The following ERP27 variants were observed in gnomAD, a reference collection of about 807,000 sequenced individuals.
ERP27 encodes the protein endoplasmic reticulum protein 27, also known as endoplasmic reticulum resident protein 27.
ERP27 carries 23 observed loss-of-function variants against 27.7 expected under a neutral mutation model. The observed-to-expected ratio is 0.83, with a 90% confidence interval of 0.60 to 1.18. ERP27 has a LOEUF of 1.18. Among genes scored for constraint, ERP27 ranks in the 50% most tolerant of loss-of-function variants. The pLI is 0.00. For missense variants in ERP27, 363 were observed against 327.9 expected, an observed-to-expected ratio of 1.11 and a Z score of -0.83; for synonymous variants, 159 against 118.3, an observed-to-expected ratio of 1.34 and a Z score of -2.23.
rs200400716 is a variant in ERP27 at position 14,914,738 on chromosome 12, G to C, written c.819C>G (p.Leu273=). Residue 273 remains leucine (L), a synonymous_variant, in exon 7 of 7, where the codon CTC becomes CTG. Coordinates refer to ENST00000266397, the MANE Select transcript of ERP27 (RefSeq NM_152321.4). ...CATATGTAGTTCCAAGGAGAAGTCAGAGTTCCACCTTTGGAGTCTTTCCTT... is the reference window on the plus strand; with the variant it reads ...CATATGTAGTTCCAAGGAGAAGTCACAGTTCCACCTTTGGAGTCTTTCCTT... ...ESEGKTPKVE[L] is the part of the protein sequence containing the mutation. 6.2e-7 allele frequency: 1 copy of C among 1,613,486 alleles called. No individual in the cohort carries two copies. Among genetic ancestry groups the C allele is most frequent in the African/African-American group, 1.3e-5 (1 of 75,028 alleles).
At chr12:14,938,310 G>T in intron 1 of ERP27, 105 bp downstream of exon 1, 2 of 1,203,934 alleles carry the variant, frequency 1.7e-6, no homozygotes, top group Non-Finnish European at 2.4e-6. Flanking sequence ...TTCCTGGAAA[G>T]CTTTCTAGGT....
At chr12:14,914,958 A>G (rs982614977) in intron 6 of ERP27, among the ~76,000 whole-genome samples, 176 bp from the exon 7 acceptor site, 1 of 150,336 alleles carries the variant, frequency 6.7e-6, no homozygotes, top group African/African-American at 2.4e-5. Context: ...CTGAATATGC[A>G]AGGCCTTTCC....
chr12:14,935,070 A>T, intron 2 of ERP27, 77 bp from the exon 3 acceptor site: 1 of 1,539,696 alleles, frequency 6.5e-7, no homozygotes, highest in East Asian at 2.4e-5. Flanking sequence ...AAGAAATATG[A>T]TATGATGTTT....
chr12:14,918,428 A>G (rs574015245), intron 4 of ERP27, among the ~76,000 whole-genome samples: 3 of 152,326 alleles, frequency 2.0e-5, no homozygotes, highest in South Asian at 2.1e-4. Context: ...GAAGTTGTCA[A>G]TGACTTAGAG....
rs1477864764 is a variant in ERP27 at position 14,937,856 on chromosome 12, T to C, written c.195+96A>G. 4.1e-6 allele frequency: 4 copies of C among 976,144 alleles called. No homozygotes were observed. In the African/African-American group the frequency reaches 4.8e-5, roughly 12 times the overall value. The allele number at this position is 976,144 out of a possible 1,614,324, so 60.5% of individuals were successfully genotyped here. A position where few individuals can be genotyped will look rare whatever the true frequency, so the allele number is the denominator to read the frequency against. On this transcript the variant is annotated intron_variant, in intron 2 of 6. Coordinates refer to ENST00000266397, the MANE Select transcript of ERP27 (RefSeq NM_152321.4). ...GGCTGTCTCCCTTTACCCCCACTTC[T>C]AATGCAGTGCCATCTGCCAGCAGCA... is the stretch of plus-strand genomic sequence containing the variant.
rs756906308 is a variant in ERP27, at chr12:14,915,568, C to T, written c.695G>A (p.Trp232Ter). 3 of 1,614,180 alleles carry T rather than the reference C, an allele frequency of 1.9e-6. No homozygotes were observed. Among genetic ancestry groups the T allele is most frequent in the Non-Finnish European group, 2.5e-6 (3 of 1,180,022 alleles). ...AACTTCTGCTGTGGGCAGTGTATCC[C>T]ACTCGTCATCTAGAGTCTGGTAAAT... The part of the protein sequence containing the change: ...LAIYQTLDDE[W>*]DTLPTAEVSV... Residue 232 changes from tryptophan to a stop codon, truncating the protein, a stop_gained, in exon 6 of 7, where the codon TGG becomes TAG. Transcript: ENST00000266397. LOFTEE classifies it high-confidence loss of function.
intron 3 of ERP27, among the ~76,000 whole-genome samples, chr12:14,922,072 T>C (rs1350321816): frequency 6.6e-6 from 1 of 152,212 alleles, no homozygotes; most frequent in East Asian, 1.9e-4. Context: ...TGAACATTGG[T>C]TGTTTCTAGT....
At chr12:14,931,143 C>T (rs1592278317) in intron 3 of ERP27, among the ~76,000 whole-genome samples, 1 of 150,946 alleles carries the variant, frequency 6.6e-6, no homozygotes, top group African/African-American at 2.4e-5. Flanking sequence ...GCAACTAAAC[C>T]ATTCTCTCAT....
chr12:14,937,097 C>T (rs985930017), intron 2 of ERP27, among the ~76,000 whole-genome samples: 2 of 152,228 alleles, frequency 1.3e-5, no homozygotes, highest in Non-Finnish European at 2.9e-5. Flanking sequence ...CTTGCCCCTT[C>T]CCCATCTTTC....
intron 3 of ERP27, among the ~76,000 whole-genome samples, chr12:14,929,946 A>AAT (rs1311994669): frequency 6.6e-6 from 1 of 151,868 alleles, no homozygotes; most frequent in African/African-American, 2.4e-5. Context: ...ATATTTAATA[A>AAT]ATATATACTT....
At chr12:14,931,571 A>C (rs1863697444) in intron 3 of ERP27, among the ~76,000 whole-genome samples, 2 of 152,210 alleles carry the variant, frequency 1.3e-5, no homozygotes, top group South Asian at 4.1e-4. Context: ...TCTTGCCCAC[A>C]GAGGTCCCAA....
chr12:14,934,946 T>A lies in ERP27; in HGVS notation c.243A>T (p.Lys81Asn). ...AVPILHSMVQ[K>N]FPGVSFGIST... ...TGATCCCAAATGACACGCCTGGGAATTTTTGCACCATGCTATGGAGTATGG... is the reference window on the plus strand; with the variant it reads ...TGATCCCAAATGACACGCCTGGGAAATTTTGCACCATGCTATGGAGTATGG... Residue 81 changes from lysine to asparagine, a missense_variant, in exon 3 of 7, where the codon AAA becomes AAT. Transcript: ENST00000266397. The A allele has an allele frequency of 6.2e-7, 1 of 1,614,038 alleles. No individual in the cohort carries two copies.
intron 4 of ERP27, among the ~76,000 whole-genome samples, chr12:14,919,123 G>A (rs1047708269): frequency 4.6e-5 from 7 of 152,212 alleles, no homozygotes; most frequent in African/African-American, 4.8e-5. Context: ...AGTTGCTACT[G>A]GTGCAAACCT....
intron 3 of ERP27, among the ~76,000 whole-genome samples, chr12:14,924,002 ACTTCCCT>A (rs543406697): frequency 3.1e-4 from 47 of 152,150 alleles, no homozygotes; most frequent in Non-Finnish European, 4.1e-4. Context: ...CCCTGTCCCC[ACTTCCCT>A]CTTCCCTCTT....
intron 3 of ERP27, among the ~76,000 whole-genome samples, chr12:14,928,365 C>A (rs1863641226): frequency 6.6e-6 from 1 of 152,146 alleles, no homozygotes; most frequent in African/African-American, 2.4e-5. Context: ...GGTGATGATT[C>A]CTATTTCACC....
chr12:14,936,865 T>C (rs1863781023), intron 2 of ERP27, among the ~76,000 whole-genome samples: 1 of 152,050 alleles, frequency 6.6e-6, no homozygotes, highest in South Asian at 2.1e-4. Context: ...AATTATCCAG[T>C]TTTGGGTATG....
chr12:14,932,925 AT>A (rs909489427), intron 3 of ERP27, among the ~76,000 whole-genome samples: 1 of 152,240 alleles, frequency 6.6e-6, no homozygotes, highest in African/African-American at 2.4e-5. Context: ...AGTTTTGAAC[AT>A]TTTAAGAGTA....
At chr12:14,931,006 A>T (rs946034220) in intron 3 of ERP27, among the ~76,000 whole-genome samples, 4 of 152,218 alleles carry the variant, frequency 2.6e-5, no homozygotes, top group Non-Finnish European at 5.9e-5. Context: ...CAGTGTAAAA[A>T]CAAAGTTTAT....
chr12:14,937,876 G>A (rs1192203728), intron 2 of ERP27, 76 bp downstream of exon 2: 5 of 1,225,176 alleles, frequency 4.1e-6, no homozygotes, highest in Non-Finnish European at 5.9e-6. Flanking sequence ...CCATCTGCCA[G>A]CAGCAGGTGG....
Sources: gnomAD v4.1 joint callset for allele counts (sites outside exome capture counted in the v4.1 genomes callset) on GRCh38, gnomAD v4.1.1 for gene constraint, MANE v1.5 for transcripts, NCBI Gene and HGNC (gene_info 2026-07-23, HGNC 2026-07-21) for gene names.